Variants in GRM1 observed in about 807,000 individuals in gnomAD.
The protein encoded by GRM1 is glutamate metabotropic receptor 1.
Under a neutral mutation model 90.9 loss-of-function variants are expected in GRM1, and 33 were observed. The ratio of observed to expected loss-of-function variants is 0.36; its 90% CI spans 0.28 to 0.49. The LOEUF (loss-of-function observed/expected upper bound fraction) is 0.49, where lower values mean the gene tolerates loss of function less well. GRM1 is among the 20% of genes least tolerant of loss of function. The probability of loss-of-function intolerance (pLI) is 0.99; values close to 1 mark genes in which losing one functional copy is unlikely to be tolerated. For missense variants in GRM1, 1,190 were observed against 1,534.3 expected (o/e 0.78, Z 3.75); for synonymous variants, 700 against 613.2 (o/e 1.14, Z -2.09).
chr6:146,405,588 T>C (rs1163840846), intron 7 of GRM1, among the ~76,000 whole-genome samples: 1 of 152,184 alleles, frequency 6.6e-6, no homozygotes, highest in Non-Finnish European at 1.5e-5. Context: ...GGCTTTCCCA[T>C]TGAGTCACAG....
At chr6:146,203,973 C>T (rs140793914) in intron 2 of GRM1, among the ~76,000 whole-genome samples, 2 of 152,240 alleles carry the variant, frequency 1.3e-5, no homozygotes, top group African/African-American at 2.4e-5. Flanking sequence ...ACTATACCAA[C>T]GTTTTATAAG....
At chr6:146,149,848 C>G (rs180944050) in intron 1 of GRM1, among the ~76,000 whole-genome samples, 3 of 152,264 alleles carry the variant, frequency 2.0e-5, no homozygotes, top group Admixed American at 6.5e-5. Context: ...AGAGGTGAGG[C>G]TGGAAAATTG....
At chr6:146,177,215 T>A (rs934303659) in intron 2 of GRM1, among the ~76,000 whole-genome samples, 6 of 152,114 alleles carry the variant, frequency 3.9e-5, no homozygotes, top group African/African-American at 1.4e-4. Flanking sequence ...TTTCAATATA[T>A]GATTTCCTAA....
At chr6:146,041,890 A>T (rs929661261) in intron 1 of GRM1, among the ~76,000 whole-genome samples, 3 of 151,966 alleles carry the variant, frequency 2.0e-5, no homozygotes, top group Admixed American at 6.6e-5. Flanking sequence ...ATTCTCTCAC[A>T]GTTTTGGAGA....
At chr6:146,184,801 A>T (rs951205308) in intron 2 of GRM1, among the ~76,000 whole-genome samples, 1 of 152,184 alleles carries the variant, frequency 6.6e-6, no homozygotes, top group Admixed American at 6.5e-5. Context: ...AGCCTTCATG[A>T]TCAACAAGAT....
intron 2 of GRM1, among the ~76,000 whole-genome samples, chr6:146,299,686 G>T (rs1174991870): frequency 6.6e-6 from 1 of 152,070 alleles, no homozygotes; most frequent in African/African-American, 2.4e-5. Flanking sequence ...TAAATAAATG[G>T]CTAATATTCA....
intron 3 of GRM1, among the ~76,000 whole-genome samples, chr6:146,305,857 G>C (rs1241100404): frequency 6.6e-6 from 1 of 152,188 alleles, no homozygotes; most frequent in Non-Finnish European, 1.5e-5. Context: ...GACCTAGAGA[G>C]GCTTGCCATC....
intron 1 of GRM1, among the ~76,000 whole-genome samples, chr6:146,154,196 C>T (rs1777439363): frequency 6.6e-6 from 1 of 152,146 alleles, no homozygotes; most frequent in African/African-American, 2.4e-5. Context: ...TATTGAAGTC[C>T]AAGGGTGGGC....
chr6:146,318,875 T>A (rs1784071656), intron 3 of GRM1, among the ~76,000 whole-genome samples: 2 of 152,194 alleles, frequency 1.3e-5, no homozygotes, highest in South Asian at 4.1e-4. Flanking sequence ...TTTGTTTAAG[T>A]TCCTTGTAGA....
chr6:146,134,381 C>T (rs1212404188), intron 1 of GRM1, among the ~76,000 whole-genome samples: 1 of 152,186 alleles, frequency 6.6e-6, no homozygotes, highest in Non-Finnish European at 1.5e-5. Context: ...TACAAACTCT[C>T]ATATGGTACT....
intron 1 of GRM1, among the ~76,000 whole-genome samples, chr6:146,098,665 T>C (rs560387205): frequency 1.3e-5 from 2 of 152,130 alleles, no homozygotes; most frequent in Non-Finnish European, 2.9e-5. Flanking sequence ...TCATCCTGAA[T>C]TGTAGTTCTC....
chr6:146,318,070 A>G (rs1784037711), intron 3 of GRM1, among the ~76,000 whole-genome samples: 1 of 152,250 alleles, frequency 6.6e-6, no homozygotes, highest in Non-Finnish European at 1.5e-5. Flanking sequence ...TTACGTAGAT[A>G]TACATGTGCC....
At chr6:146,349,692 T>C (rs182359790) in intron 3 of GRM1, among the ~76,000 whole-genome samples, 2 of 152,306 alleles carry the variant, frequency 1.3e-5, no homozygotes, top group East Asian at 3.9e-4. Context: ...GGTATTCTTG[T>C]ATGTTTTGTC....
At chr6:146,156,154 C>G (rs899944043) in intron 1 of GRM1, among the ~76,000 whole-genome samples, 1 of 152,098 alleles carries the variant, frequency 6.6e-6, no homozygotes, top group African/African-American at 2.4e-5. Flanking sequence ...GCCTGTAATC[C>G]CAGCACTTTG....
intron 2 of GRM1, among the ~76,000 whole-genome samples, chr6:146,191,291 C>T (rs1778928417): frequency 6.6e-6 from 1 of 152,106 alleles, no homozygotes; most frequent in African/African-American, 2.4e-5. Flanking sequence ...ATTGTGGGTT[C>T]CTTGAGGGCA....
intron 2 of GRM1, among the ~76,000 whole-genome samples, chr6:146,167,630 C>T (rs1343668158): frequency 1.3e-5 from 2 of 152,024 alleles, no homozygotes; most frequent in African/African-American, 4.8e-5. Flanking sequence ...TTGCATTTTC[C>T]TAATGACTAA....
rs189069454 is a variant in GRM1 at position 146,134,246 on chromosome 6, C to G, written c.701-25102C>G. ...TGGGAACATAAGGAACCTTTCTGAG[C>G]CCCAGTTTTATTGTATGCAAAATGG... On this transcript the variant is annotated intron_variant, in intron 1 of 7. Coordinates refer to ENST00000282753, the MANE Select transcript of GRM1 (RefSeq NM_001278064.2). Among the ~76,000 whole-genome samples the G allele has an allele frequency of 3.2e-4, 48 of 152,292 alleles. No homozygotes were observed. The East Asian group carries it at 6.8e-3, about 21-fold the overall frequency.
At chr6:146,416,722 C>G (rs1285601239) in intron 7 of GRM1, among the ~76,000 whole-genome samples, 1 of 152,094 alleles carries the variant, frequency 6.6e-6, no homozygotes, top group African/African-American at 2.4e-5. Flanking sequence ...CCTGGTGCAT[C>G]CTGTTCTGAG....
chr6:146,122,655 A>G (rs1030681018), intron 1 of GRM1, among the ~76,000 whole-genome samples: 2 of 152,060 alleles, frequency 1.3e-5, no homozygotes, highest in Non-Finnish European at 2.9e-5. Context: ...TTAAGCCTAT[A>G]TCATTCTGAT....
Sources: gnomAD v4.1 joint callset for allele counts (sites outside exome capture counted in the v4.1 genomes callset) on GRCh38, gnomAD v4.1.1 for gene constraint, MANE v1.5 for transcripts, NCBI Gene and HGNC (gene_info 2026-07-23, HGNC 2026-07-21) for gene names.